SPOCK3: variants seen among roughly 807,000 people sequenced by gnomAD.
The protein encoded by SPOCK3 is SPARC (osteonectin), cwcv and kazal like domains proteoglycan 3.
Under a neutral mutation model 56.6 loss-of-function variants are expected in SPOCK3, and 30 were observed. The ratio of observed to expected loss-of-function variants is 0.53; its 90% confidence interval spans 0.40 to 0.72. The LOEUF (loss-of-function observed/expected upper bound fraction) is 0.72. Among genes scored for constraint, SPOCK3 ranks in the 30% least tolerant of loss-of-function variants. The pLI, the probability that SPOCK3 is intolerant of heterozygous loss-of-function variation, is 0.00. For missense variants in SPOCK3, 527 were observed against 530.0 expected (o/e 0.99, Z 0.06); for synonymous variants, 196 against 183.3 (o/e 1.07, Z -0.56).
At chr4:166,747,724 AT>A (rs1340939341) in intron 8 of SPOCK3, among the ~76,000 whole-genome samples, 1 of 152,114 alleles carries the variant, frequency 6.6e-6, no homozygotes, top group African/African-American at 2.4e-5. Flanking sequence ...ATGATTGTAT[AT>A]TTAGAAAACC....
intron 2 of SPOCK3, among the ~76,000 whole-genome samples, chr4:167,205,402 T>A (rs1486782978): frequency 2.1e-5 from 1 of 48,186 alleles, no homozygotes; most frequent in Non-Finnish European, 3.4e-5. Flanking sequence ...TTATATATAA[T>A]ATATTATATA....
At chr4:167,098,662 G>GT (rs201169786) in intron 2 of SPOCK3, among the ~76,000 whole-genome samples, 37 of 149,916 alleles carry the variant, frequency 2.5e-4, no homozygotes, top group South Asian at 1.7e-3. Flanking sequence ...TTCCAACCTT[G>GT]TTTTTTTTTC....
intron 6 of SPOCK3, among the ~76,000 whole-genome samples, chr4:166,866,679 A>G (rs1351616450): frequency 6.6e-6 from 1 of 152,156 alleles, no homozygotes; most frequent in East Asian, 1.9e-4. Flanking sequence ...TTAACTTATG[A>G]TCAAACTAGG....
At position 167,108,998 on chromosome 4, in the gene SPOCK3, A is replaced by AAAAATATATATATATT. The variant is rs1760476383; in HGVS notation, c.190-46462_190-46461insAATATATATATATTTT. 3.0e-5 allele frequency among the ~76,000 whole-genome samples: 3 copies of AAAAATATATATATATT among 98,782 alleles called. 1 individual carries two copies. The highest frequency in any genetic ancestry group is 5.5e-5 in the Non-Finnish European group (3 of 54,960). 64.8% of individuals were successfully genotyped at this position (98,782 alleles called of 152,430 possible). A position where few individuals can be genotyped will look rare whatever the true frequency, so the allele number is the denominator to read the frequency against. Reference sequence around the variant, plus strand: ...AAATATTATAAATATATATTTATATATATATAAATATATACTTATATAAAA... The same window carrying AAAAATATATATATATT: ...AAATATTATAAATATATATTTATATAAAAATATATATATATTTATATAAATATATACTTATATAAAA... On this transcript the variant is annotated intron_variant, in intron 2 of 10. Transcript: ENST00000357545.
chr4:167,123,825 C>T lies in SPOCK3; in HGVS notation c.190-61288G>A, dbSNP rs574953697. On this transcript the variant is annotated intron_variant, in intron 2 of 10. Coordinates refer to ENST00000357545, the MANE Select transcript of SPOCK3 (RefSeq NM_001040159.2). ...ATGGTGCTATCTCCACTTGCTGCAA[C>T]CTCCCACCCTCCCAGGTTCAAGAAA... Among the ~76,000 whole-genome samples the T allele has an allele frequency of 2.0e-5, 3 of 150,576 alleles. No homozygotes were observed. In the South Asian group the frequency reaches 6.3e-4, roughly 32 times the overall value.
chr4:167,121,493 G>A (rs1039948492), intron 2 of SPOCK3, among the ~76,000 whole-genome samples: 4 of 151,864 alleles, frequency 2.6e-5, no homozygotes, highest in African/African-American at 9.6e-5. Flanking sequence ...AAAAGTGAAT[G>A]TGGATGAGAT....
intron 4 of SPOCK3, among the ~76,000 whole-genome samples, chr4:166,973,988 C>A (rs1388740336): frequency 3.9e-5 from 6 of 151,998 alleles, no homozygotes; most frequent in Admixed American, 2.6e-4. Flanking sequence ...TATTTATATA[C>A]CTAAATTTGA....
At chr4:166,924,441 T>C (rs565243722) in intron 4 of SPOCK3, among the ~76,000 whole-genome samples, 1 of 152,352 alleles carries the variant, frequency 6.6e-6, no homozygotes, top group African/African-American at 2.4e-5. Flanking sequence ...CTGCATGTTT[T>C]GGTTTGTCAC....
At chr4:166,876,329 A>C (rs1163475473) in intron 6 of SPOCK3, among the ~76,000 whole-genome samples, 2 of 152,180 alleles carry the variant, frequency 1.3e-5, no homozygotes, top group African/African-American at 4.8e-5. Flanking sequence ...GAGACTAAAG[A>C]ATTTTGAAAA....
In SPOCK3 at chr4:166,737,601, T is replaced by G; in HGVS notation, c.998A>C (p.Gln333Pro). The stretch of plus-strand genomic sequence containing the variant: ...ATCTTCATCACACAGGGGGATATAC[T>G]GTCCTGTTGAAACAACACACAGGCA... ...KRQGVKKLLGQYIPLCDEDGY... is the reference protein window; with the variant it reads ...KRQGVKKLLGPYIPLCDEDGY... The change falls in exon 10 of 11, where the codon CAG (glutamine) becomes CCG (proline). Residue 333 changes from glutamine (Q) to proline (P), a missense_variant. Gln to Pro is a moderately conservative substitution (Grantham distance 76, BLOSUM62 -1). Coordinates refer to ENST00000357545, the MANE Select transcript of SPOCK3 (RefSeq NM_001040159.2). The G allele has an allele frequency of 6.2e-7, 1 of 1,608,122 alleles. No homozygotes were observed. The highest frequency in any genetic ancestry group is 1.1e-5 in the South Asian group (1 of 90,028).
At chr4:167,083,334 C>T (rs192980151) in intron 2 of SPOCK3, 1 of 763,812 alleles carries the variant, frequency 1.3e-6, no homozygotes, top group East Asian at 2.4e-5. Context: ...CACAGTTCCC[C>T]ACCATGTGCA....
At chr4:167,145,307 A>G (rs1162545549) in intron 2 of SPOCK3, among the ~76,000 whole-genome samples, 1 of 152,108 alleles carries the variant, frequency 6.6e-6, no homozygotes, top group Non-Finnish European at 1.5e-5. Flanking sequence ...GGACATATGA[A>G]CTTGAAGAAA....
chr4:167,160,154 C>T (rs1765164405), intron 2 of SPOCK3, among the ~76,000 whole-genome samples: 1 of 152,096 alleles, frequency 6.6e-6, no homozygotes, highest in African/African-American at 2.4e-5. Flanking sequence ...ATTGTCTCAG[C>T]CCAAAATCTC....
intron 2 of SPOCK3, among the ~76,000 whole-genome samples, chr4:167,089,837 T>TC (rs1758546003): frequency 6.6e-6 from 1 of 152,126 alleles, no homozygotes; most frequent in South Asian, 2.1e-4. Context: ...TCTGTTTTCT[T>TC]CCCCCAGTGA....
intron 3 of SPOCK3, among the ~76,000 whole-genome samples, chr4:167,015,853 G>A (rs1302362110): frequency 6.6e-6 from 1 of 152,092 alleles, no homozygotes; most frequent in Non-Finnish European, 1.5e-5. Context: ...TGGTGCAAAT[G>A]AAAATTCCTA....
At chr4:167,020,328 C>A (rs1054668557) in intron 3 of SPOCK3, among the ~76,000 whole-genome samples, 1 of 152,066 alleles carries the variant, frequency 6.6e-6, no homozygotes, top group Non-Finnish European at 1.5e-5. Flanking sequence ...TCTAGAATAG[C>A]ATTTGCAGTT....
intron 2 of SPOCK3, among the ~76,000 whole-genome samples, chr4:167,203,459 C>T (rs927496063): frequency 1.5e-4 from 22 of 151,630 alleles, no homozygotes; most frequent in African/African-American, 4.8e-4. Flanking sequence ...ATTAATACTC[C>T]TTGAAACCAA....
chr4:167,034,318 C>A (rs975706492), intron 3 of SPOCK3, among the ~76,000 whole-genome samples: 8 of 151,516 alleles, frequency 5.3e-5, no homozygotes, highest in African/African-American at 1.9e-4. Flanking sequence ...TATACCCAAG[C>A]TGTATCAAAA....
At chr4:166,775,536 A>G (rs1286045489) in intron 7 of SPOCK3, among the ~76,000 whole-genome samples, 1 of 152,210 alleles carries the variant, frequency 6.6e-6, no homozygotes, top group Non-Finnish European at 1.5e-5. Flanking sequence ...TGGGCATCAA[A>G]GCTAGAAGTA....
Sources: allele counts gnomAD v4.1 joint callset (sites outside exome capture counted in the v4.1 genomes callset), GRCh38; gene constraint gnomAD v4.1.1; transcripts MANE v1.5; gene names NCBI Gene and HGNC (gene_info 2026-07-23, HGNC 2026-07-21).